KIR2DL3: variants seen among roughly 807,000 people sequenced by gnomAD.
The protein encoded by KIR2DL3 is killer cell immunoglobulin-like receptor 2DL3.
KIR2DL3 carries 39 observed loss-of-function variants against 33.8 expected under a neutral mutation model. That is an observed-to-expected ratio of 1.15 (90% confidence interval 0.89 to 1.51). The LOEUF is 1.51. Among genes scored for constraint, KIR2DL3 ranks in the 40% most tolerant of loss-of-function variants. The probability of loss-of-function intolerance (pLI) is 0.00; values close to 1 mark genes in which losing one functional copy is unlikely to be tolerated. For synonymous variants in KIR2DL3, 174 were observed against 160.2 expected, an observed-to-expected ratio of 1.09 and a Z score of -0.65; for missense variants, 462 against 426.2, an observed-to-expected ratio of 1.08 and a Z score of -0.74.
At position 54,750,242 on chromosome 19, in the gene KIR2DL3, A is replaced by G; in HGVS notation, c.716-1407A>G. On this transcript the variant is annotated intron_variant, in intron 5 of 7. Coordinates refer to ENST00000342376, the MANE Select transcript of KIR2DL3 (RefSeq NM_015868.3). ...TCAGATAGGCTATGGGGAGGTAAACATTGATACTCCTTGGAGTGAGTCCAG... is the reference window on the plus strand; with the variant it reads ...TCAGATAGGCTATGGGGAGGTAAACGTTGATACTCCTTGGAGTGAGTCCAG... Among the ~76,000 whole-genome samples the G allele has an allele frequency of 2.0e-5, 2 of 99,894 alleles. 1 individual carries two copies. The highest frequency in any genetic ancestry group is 2.1e-4 in the Admixed American group (2 of 9,502). The allele number at this position is 99,894 out of a possible 152,430, so 65.5% of individuals were successfully genotyped here.
intron 2 of KIR2DL3, among the ~76,000 whole-genome samples, chr19:54,741,212 G>A (rs1266273457): frequency 6.6e-6 from 1 of 151,396 alleles, no homozygotes; most frequent in Non-Finnish European, 1.5e-5. Flanking sequence ...GGTGGCAGGT[G>A]CATGTAATCC....
intron 2 of KIR2DL3, among the ~76,000 whole-genome samples, chr19:54,740,830 C>T (rs1361908147): frequency 2.0e-5 from 3 of 151,812 alleles, no homozygotes; most frequent in East Asian, 1.9e-4. Context: ...TCCCACTGGG[C>T]TCAGTGTAAT....
intron 4 of KIR2DL3, among the ~76,000 whole-genome samples, chr19:54,744,910 A>G (rs2072084991): frequency 2.4e-5 from 1 of 41,472 alleles, no homozygotes; most frequent in Admixed American, 2.8e-4. Context: ...ACACACACAC[A>G]CATATATAAA....
Position 54,752,661 on chromosome 19 carries a change from G to C in KIR2DL3, c.*142G>C. The C allele has an allele frequency of 8.6e-7, 1 of 1,165,456 alleles. No homozygotes were observed. Among genetic ancestry groups the C allele is most frequent in the Non-Finnish European group, 1.2e-6 (1 of 812,102 alleles). 72.2% of individuals were successfully genotyped at this position (1,165,456 alleles called of 1,614,324 possible). ...TCTGAAGGCGTGAGTCTGCATCTTA[G>C]GGCATCGCTCTTCCTCACACCACAA... On this transcript the variant is annotated 3_prime_UTR_variant, in exon 8 of 8. Coordinates refer to ENST00000342376, the MANE Select transcript of KIR2DL3 (RefSeq NM_015868.3).
intron 2 of KIR2DL3, among the ~76,000 whole-genome samples, chr19:54,741,080 G>A (rs2070996430): frequency 6.6e-6 from 1 of 151,716 alleles, no homozygotes; most frequent in South Asian, 2.1e-4. Flanking sequence ...AGTACTGGAA[G>A]GTGTCAGTGT....
At chr19:54,740,696 T>C (rs1247521178) in intron 2 of KIR2DL3, among the ~76,000 whole-genome samples, 1 of 151,902 alleles carries the variant, frequency 6.6e-6, no homozygotes, top group East Asian at 1.9e-4. Flanking sequence ...ATGGGTGCTG[T>C]GGTGGGAAGA....
Position 54,751,935 on chromosome 19 carries a change from G to T in KIR2DL3, c.820+182G>T, listed in dbSNP as rs2073513108. 1.5e-5 allele frequency among the ~76,000 whole-genome samples: 2 copies of T among 133,574 alleles called. 1 individual carries two copies. The highest frequency in any genetic ancestry group is 5.3e-4 in the South Asian group (2 of 3,762). 87.6% of individuals were successfully genotyped at this position (133,574 alleles called of 152,430 possible). On this transcript the variant is annotated intron_variant, in intron 6 of 7. Coordinates refer to ENST00000342376, the MANE Select transcript of KIR2DL3 (RefSeq NM_015868.3). ...CCCTGCCTTCAGCTCACAGACCATT[G>T]CCTGATTCTGAACTGTATCCTCATG... is the stretch of plus-strand genomic sequence containing the variant.
At chr19:54,748,947 GAT>G (rs2073001906) in intron 5 of KIR2DL3, among the ~76,000 whole-genome samples, 1 of 151,230 alleles carries the variant, frequency 6.6e-6, no homozygotes, top group South Asian at 2.1e-4. Flanking sequence ...ATCAATAATA[GAT>G]AATGCTGAGT....
intron 2 of KIR2DL3, among the ~76,000 whole-genome samples, chr19:54,741,457 A>G (rs2071087801): frequency 6.6e-6 from 1 of 151,816 alleles, no homozygotes; most frequent in Admixed American, 6.6e-5. Context: ...AGGGGTTGAT[A>G]CTCCTCCAAC....
In KIR2DL3 at chr19:54,741,882, G is replaced by C. The variant is rs1463397389; in HGVS notation, c.71-98G>C. ...CATGAAGACACAGAGAGGAAGGAGA[G>C]AGACAGACACCAGCAAGGGGAAGCC... On this transcript the variant is annotated intron_variant, in intron 2 of 7. Transcript: ENST00000342376. The C allele has an allele frequency of 1.1e-5, 14 of 1,325,766 alleles. No homozygotes were observed. In the East Asian group the frequency reaches 2.8e-4, roughly 26 times the overall value. 82.1% of individuals were successfully genotyped at this position (1,325,766 alleles called of 1,614,324 possible).
At chr19:54,747,758 A>T (rs1233499991) in intron 5 of KIR2DL3, among the ~76,000 whole-genome samples, 13 of 152,166 alleles carry the variant, frequency 8.5e-5, no homozygotes, top group Non-Finnish European at 1.5e-4. Flanking sequence ...GAGAAGTTCC[A>T]CTTGCCAAGG....
At position 54,742,143 on chromosome 19, in the gene KIR2DL3, T is replaced by A. The variant is rs2071268221; in HGVS notation, c.234T>A (p.Asp78Glu). The A allele has an allele frequency of 2.5e-6, 4 of 1,613,972 alleles. No individual in the cohort carries two copies. Among genetic ancestry groups the A allele is most frequent in the Non-Finnish European group, 3.4e-6 (4 of 1,180,014 alleles). ...DTLHLIGEHH[D>E]GVSKANFSIG... ...TGCACCTCATTGGAGAGCACCATGA[T>A]GGGGTCTCCAAGGCCAACTTCTCCA... Residue 78 changes from aspartate to glutamate, a missense_variant, in exon 3 of 8, where the codon GAT (aspartate) becomes GAA (glutamate). Physicochemically the swap from Asp to Glu is conservative, Grantham distance 45. Coordinates refer to ENST00000342376, the MANE Select transcript of KIR2DL3 (RefSeq NM_015868.3).
chr19:54,750,955 A>G (rs1354858943), intron 5 of KIR2DL3, among the ~76,000 whole-genome samples: 1 of 133,906 alleles, frequency 7.5e-6, no homozygotes, highest in Non-Finnish European at 1.6e-5. Flanking sequence ...TCCAGGAAGA[A>G]CAGGAAGACA....
chr19:54,752,272 G>A lies in KIR2DL3; in HGVS notation c.873+4G>A. ...GAACAGAACAGTGAACAGGGAGGTA[G>A]GTGCTCCTCGGCCCAGCCTCGTGGC... is the stretch of plus-strand genomic sequence containing the variant. On this transcript the variant is annotated splice_donor_region_variant and intron_variant, in intron 7 of 7. Coordinates refer to ENST00000342376, the MANE Select transcript of KIR2DL3 (RefSeq NM_015868.3). 1 of 1,485,624 alleles carries A rather than the reference G, an allele frequency of 6.7e-7. No homozygotes were observed. Among genetic ancestry groups the A allele is most frequent in the African/African-American group, 1.5e-5 (1 of 66,138 alleles). 92.0% of individuals were successfully genotyped at this position (1,485,624 alleles called of 1,614,324 possible). A position where few individuals can be genotyped will look rare whatever the true frequency, so the allele number is the denominator to read the frequency against.
chr19:54,744,819 C>T (rs537912765), intron 4 of KIR2DL3, among the ~76,000 whole-genome samples: 2 of 146,658 alleles, frequency 1.4e-5, no homozygotes, highest in South Asian at 4.3e-4. Context: ...GCCACCACGC[C>T]CAGCCACATT....
intron 3 of KIR2DL3, 122 bp from the exon 4 acceptor site, chr19:54,743,673 G>C: frequency 1.1e-6 from 1 of 917,942 alleles, no homozygotes; most frequent in Non-Finnish European, 1.6e-6. Flanking sequence ...ATGGGGTGGA[G>C]GGTGAGAGAG....
In KIR2DL3 at chr19:54,751,596, A is replaced by G. The variant is rs1488627854; in HGVS notation, c.716-53A>G. ...TCAATCAAGAAATGTGAGACAATTC[A>G]TAAAGAGGAACTGCTATGATTAGCT... is the stretch of plus-strand genomic sequence containing the variant. On this transcript the variant is annotated intron_variant, in intron 5 of 7. Coordinates refer to ENST00000342376, the MANE Select transcript of KIR2DL3 (RefSeq NM_015868.3). 30 of 1,332,712 alleles carry G rather than the reference A, an allele frequency of 2.3e-5. 6 individuals are homozygous for G. In the African/African-American group the frequency reaches 3.9e-4, roughly 17 times the overall value. The allele number at this position is 1,332,712 out of a possible 1,614,324, so 82.6% of individuals were successfully genotyped here.
rs1568969043 is a variant in KIR2DL3, at chr19:54,744,919, A to AT, written c.664+831_664+832insT. On this transcript the variant is annotated intron_variant, in intron 4 of 7. Transcript: ENST00000342376. ...ATATACACACACACACACATATATA[A>AT]ACATATATATATATATATATATATA... is the stretch of plus-strand genomic sequence containing the variant. Among the ~76,000 whole-genome samples, 94 of 40,868 alleles carry AT rather than the reference A, an allele frequency of 2.3e-3. 1 individual carries two copies. The highest frequency in any genetic ancestry group is 4.0e-3 in the Non-Finnish European group (75 of 18,530). The allele number at this position is 40,868 out of a possible 152,430, so 26.8% of individuals were successfully genotyped here. A position where few individuals can be genotyped will look rare whatever the true frequency, so the allele number is the denominator to read the frequency against.
Position 54,743,988 on chromosome 19 carries a change from C to A in KIR2DL3, c.564C>A (p.Gly188=), listed in dbSNP as rs753091058. 2 of 1,614,242 alleles carry A rather than the reference C, an allele frequency of 1.2e-6. No homozygotes were observed. The highest frequency in any genetic ancestry group is 1.7e-6 in the Non-Finnish European group (2 of 1,180,050). ...CATTCCAGGCCGACTTTCCTCTGGG[C>A]CCTGCCACCCACGGAGGAACCTACA... The part of the protein sequence containing the change: ...NGTFQADFPL[G]PATHGGTYRC... Residue 188 remains glycine, a synonymous_variant, in exon 4 of 8, where the codon GGC becomes GGA. Coordinates refer to ENST00000342376, the MANE Select transcript of KIR2DL3 (RefSeq NM_015868.3).
Sources: allele counts gnomAD v4.1 joint callset (sites outside exome capture counted in the v4.1 genomes callset), GRCh38; gene constraint gnomAD v4.1.1; transcripts MANE v1.5; gene names NCBI Gene and HGNC (gene_info 2026-07-23, HGNC 2026-07-21).